Variants in ARHGAP35 observed in about 807,000 individuals in gnomAD.
ARHGAP35 encodes Rho GTPase activating protein 35, also known as rho GTPase-activating protein 35.
Under a neutral mutation model 111.1 loss-of-function variants are expected in ARHGAP35, and 15 were observed. The ratio of observed to expected loss-of-function variants is 0.13; its 90% CI spans 0.09 to 0.21. ARHGAP35 has a LOEUF of 0.21. Ranked by LOEUF, ARHGAP35 falls within the 10% of genes least tolerant of loss-of-function variation. The pLI, the probability that ARHGAP35 is intolerant of heterozygous loss-of-function variation, is 1.00. For synonymous variants in ARHGAP35, 643 were observed against 710.3 expected, an observed-to-expected ratio of 0.91 and a Z score of 1.51; for missense variants, 1,262 against 1,873.0, an observed-to-expected ratio of 0.67 and a Z score of 6.02.
chr19:46,941,672 C>G (rs919175137), intron 3 of ARHGAP35, among the ~76,000 whole-genome samples: 2 of 150,758 alleles, frequency 1.3e-5, no homozygotes, highest in Non-Finnish European at 3.0e-5. Flanking sequence ...ACCTTTCTGG[C>G]CTCAAGCCTC....
At chr19:46,893,429 C>G (rs557420122) in intron 1 of ARHGAP35, among the ~76,000 whole-genome samples, 35 of 152,106 alleles carry the variant, frequency 2.3e-4, no homozygotes, top group South Asian at 4.1e-4. Context: ...CAGACAAGAC[C>G]CCTTCTTTTC....
chr19:46,971,444 A>G (rs891737085), intron 3 of ARHGAP35, among the ~76,000 whole-genome samples: 1 of 151,904 alleles, frequency 6.6e-6, no homozygotes, highest in Non-Finnish European at 1.5e-5. Flanking sequence ...TCTGGGGGGT[A>G]TCAGGGTGTA....
chr19:46,921,757 AATT>A lies in ARHGAP35; in HGVS notation c.3083_3085del (p.Asn1028_Phe1029delinsIle), dbSNP rs1245615328. 9 of 1,613,906 alleles carry A rather than the reference AATT, an allele frequency of 5.6e-6. No homozygotes were observed. The highest frequency in any genetic ancestry group is 7.6e-6 in the Non-Finnish European group (9 of 1,179,902). ...TGATGGGCTGTCTTTCATTATGAGCAATTTTGAGAGTAAACTGAACAACAAAGT... is the reference window on the plus strand; with the variant it reads ...TGATGGGCTGTCTTTCATTATGAGCATTGAGAGTAAACTGAACAACAAAGT... On this transcript the variant is annotated inframe_deletion, in exon 2 of 7. Transcript: ENST00000672722. This position sits in a 1 kb window ranked among gnomAD's most constrained non-coding sequence, Gnocchi z 4.3.
chr19:46,974,752 G>T (rs565785926), intron 3 of ARHGAP35, among the ~76,000 whole-genome samples: 1 of 152,002 alleles, frequency 6.6e-6, no homozygotes. Flanking sequence ...TCGTGGGTGG[G>T]GCTGACAGTT....
At chr19:46,978,589 C>CAG (rs2056593493) in intron 3 of ARHGAP35, among the ~76,000 whole-genome samples, 2 of 14,954 alleles carry the variant, frequency 1.3e-4, no homozygotes, top group Admixed American at 7.7e-4. Flanking sequence ...TGTGGTGGGG[C>CAG]GTGTGGGGGG....
chr19:46,877,894 G>T (rs1379543274), intron 1 of ARHGAP35, among the ~76,000 whole-genome samples: 1 of 152,128 alleles, frequency 6.6e-6, no homozygotes, highest in African/African-American at 2.4e-5. Flanking sequence ...TTTTAGTAGA[G>T]ACGGGGTTTC....
chr19:46,883,845 A>G (rs977584236), intron 1 of ARHGAP35, among the ~76,000 whole-genome samples: 4 of 152,162 alleles, frequency 2.6e-5, no homozygotes, highest in African/African-American at 9.7e-5. Context: ...GCCTGAGCTC[A>G]GGAGTTTGAG....
At chr19:46,980,701 G>A (rs183173780) in intron 3 of ARHGAP35, among the ~76,000 whole-genome samples, 1 of 152,278 alleles carries the variant, frequency 6.6e-6, no homozygotes, top group Admixed American at 6.5e-5. Flanking sequence ...ATTGTGCAGT[G>A]GACTGTGCAT....
chr19:46,914,785 G>A (rs968783642), intron 1 of ARHGAP35, among the ~76,000 whole-genome samples: 2 of 152,146 alleles, frequency 1.3e-5, no homozygotes, highest in Non-Finnish European at 2.9e-5. Flanking sequence ...CTTGAGGTTT[G>A]AGAGCAGGCT....
rs72465629 is a variant in ARHGAP35 at position 46,888,333 on chromosome 19, T to TACACACAC, written c.-189+27149_-189+27156dup. Among the ~76,000 whole-genome samples the TACACACAC allele has an allele frequency of 2.7e-3, 184 of 67,422 alleles. 8 individuals carry two copies. The highest frequency in any genetic ancestry group is 9.4e-3 in the African/African-American group (161 of 17,166). 44.2% of individuals were successfully genotyped at this position (67,422 alleles called of 152,430 possible). A position where few individuals can be genotyped will look rare whatever the true frequency, so the allele number is the denominator to read the frequency against. On this transcript the variant is annotated intron_variant, in intron 1 of 6. Coordinates refer to ENST00000672722, the MANE Select transcript of ARHGAP35 (RefSeq NM_004491.5). ...ATATATATATAAAATATTGATTTTA[T>TACACACAC]ACACACACACACACACACACACACA...
At position 47,004,154 on chromosome 19, in the gene ARHGAP35, GGGAA is replaced by G. The variant is rs1292834317; in HGVS notation, c.*3468_*3471del. 6.6e-6 allele frequency: 1 copy of G among 152,094 alleles called. No homozygotes were observed. 9.4% of individuals were successfully genotyped at this position (152,094 alleles called of 1,614,324 possible). A position where few individuals can be genotyped will look rare whatever the true frequency, so the allele number is the denominator to read the frequency against. ...TTCCCGAGGGCAGCGCAGGGATCCG[GGGAA>G]GCTGCGGCAGGGAGCGGGCGCCGGC... On this transcript the variant is annotated 3_prime_UTR_variant, in exon 7 of 7. Coordinates refer to ENST00000672722, the MANE Select transcript of ARHGAP35 (RefSeq NM_004491.5).
chr19:46,948,681 G>A (rs530782883), intron 3 of ARHGAP35: 9 of 152,270 alleles, frequency 5.9e-5, no homozygotes, highest in Admixed American at 2.6e-4. Context: ...CATGAACCGC[G>A]GTTCCCTTTC....
chr19:46,957,789 C>T (rs1254452098), intron 3 of ARHGAP35, among the ~76,000 whole-genome samples: 4 of 152,114 alleles, frequency 2.6e-5, no homozygotes, highest in African/African-American at 4.8e-5. Context: ...TTCTCGCATT[C>T]GTGCAATGAG....
In ARHGAP35 at chr19:47,000,413, T is replaced by C; in HGVS notation, c.4225T>C (p.Phe1409Leu). The part of the protein sequence containing the change: ...CFWPTLMRPD[F>L]STMDALTATR... ...CTGGCCCACCTTGATGAGACCTGAT[T>C]TCAGCACTATGGACGCCCTCACAGC... Residue 1409 changes from phenylalanine to leucine, a missense_variant, in exon 7 of 7, where the codon TTC becomes CTC. Phe to Leu is a conservative substitution (Grantham distance 22, BLOSUM62 0). Coordinates refer to ENST00000672722, the MANE Select transcript of ARHGAP35 (RefSeq NM_004491.5). This position sits in a 1 kb window ranked among gnomAD's most constrained non-coding sequence, Gnocchi z 6.9. 6.2e-7 allele frequency: 1 copy of C among 1,613,700 alleles called. No individual in the cohort carries two copies. Among genetic ancestry groups the C allele is most frequent in the Non-Finnish European group, 8.5e-7 (1 of 1,179,812 alleles).
At chr19:46,982,247 C>T (rs1026148390) in intron 3 of ARHGAP35, among the ~76,000 whole-genome samples, 8 of 152,182 alleles carry the variant, frequency 5.3e-5, no homozygotes, top group Admixed American at 3.9e-4. Context: ...GAGGCCAAGG[C>T]GGGCGGATCA....
At position 46,999,309 on chromosome 19, in the gene ARHGAP35, A is replaced by C. The variant is rs1362724384; in HGVS notation, c.4042A>C (p.Asn1348His). ...TTGGTTTTCTCTCTCCTCAGAAATCAACGACCGGGAGCAGAAGTTGCATGC... is the reference window on the plus strand; with the variant it reads ...TTGGTTTTCTCTCTCCTCAGAAATCCACGACCGGGAGCAGAAGTTGCATGC... Reference protein sequence around the residue: ...QIDLVEAHKINDREQKLHALK... With the variant: ...QIDLVEAHKIHDREQKLHALK... Residue 1348 changes from asparagine (N) to histidine (H), a missense_variant, in exon 6 of 7, where the codon AAC becomes CAC. Asn to His is a moderately conservative substitution (Grantham distance 68, BLOSUM62 1). Around this residue, in one of 8 missense-constraint regions of ARHGAP35, gnomAD observed 50 missense variants for 60.5 expected, o/e 0.83. Coordinates refer to ENST00000672722, the MANE Select transcript of ARHGAP35 (RefSeq NM_004491.5). The surrounding 1 kb of genome is among the most constrained non-coding windows in gnomAD (Gnocchi z 5.4). 21 of 1,582,244 alleles carry C rather than the reference A, an allele frequency of 1.3e-5. No individual in the cohort carries two copies. Among genetic ancestry groups the C allele is most frequent in the Non-Finnish European group, 1.0e-5 (12 of 1,164,136 alleles).
In ARHGAP35 at chr19:46,992,664, C is replaced by T. The variant is rs1162343050; in HGVS notation, c.4036+2989C>T. On this transcript the variant is annotated intron_variant, in intron 5 of 6. Transcript: ENST00000672722. This position sits in a 1 kb window ranked among gnomAD's most constrained non-coding sequence, Gnocchi z 4.4. ...TCCGTCTCAAGCCAGAGGGTCAGGA[C>T]CAAAGGACCTGTGGCTCCAGGGTCC... is the stretch of plus-strand genomic sequence containing the variant. Among the ~76,000 whole-genome samples the T allele has an allele frequency of 6.6e-6, 1 of 152,172 alleles. No individual in the cohort carries two copies. Among genetic ancestry groups the T allele is most frequent in the African/African-American group, 2.4e-5 (1 of 41,414 alleles).
At chr19:46,939,435 A>C (rs923567991) in intron 3 of ARHGAP35, among the ~76,000 whole-genome samples, 3 of 150,104 alleles carry the variant, frequency 2.0e-5, no homozygotes, top group Admixed American at 6.7e-5. Flanking sequence ...TTTTAGATGG[A>C]GTCTAACTCT....
chr19:46,994,425 A>G lies in ARHGAP35; in HGVS notation c.4036+4750A>G, dbSNP rs1057034704. On this transcript the variant is annotated intron_variant, in intron 5 of 6. Coordinates refer to ENST00000672722, the MANE Select transcript of ARHGAP35 (RefSeq NM_004491.5). This position sits in a 1 kb window ranked among gnomAD's most constrained non-coding sequence, Gnocchi z 5.4. ...ATAGGGTAGAAGGTGTCCAGGGTGCACGGGCTGGGCTGGCTCTTGGCCACC... is the reference window on the plus strand; with the variant it reads ...ATAGGGTAGAAGGTGTCCAGGGTGCGCGGGCTGGGCTGGCTCTTGGCCACC... Among the ~76,000 whole-genome samples the G allele has an allele frequency of 2.6e-5, 4 of 152,188 alleles. No homozygotes were observed. Among genetic ancestry groups the G allele is most frequent in the African/African-American group, 9.7e-5 (4 of 41,448 alleles).
Sources: gnomAD v4.1 joint callset for allele counts (sites outside exome capture counted in the v4.1 genomes callset) on GRCh38, gnomAD v4.1.1 for gene constraint, gnomAD v4.1.1 regional missense constraint, Gnocchi (gnomAD v3.1) non-coding constraint, MANE v1.5 for transcripts, NCBI Gene and HGNC (gene_info 2026-07-23, HGNC 2026-07-21) for gene names.